The following EMC9 variants were observed in gnomAD, a reference collection of about 807,000 sequenced individuals.
EMC9 encodes ER membrane protein complex subunit 9.
A neutral mutation model predicts 25.0 loss-of-function variants in EMC9; 20 were observed. That is an observed-to-expected ratio of 0.80 (90% CI 0.56 to 1.16). EMC9 has a LOEUF of 1.16. Ranked by LOEUF, EMC9 falls within the 50% of genes most tolerant of loss-of-function variation. The pLI is 0.00. For synonymous variants in EMC9, 100 were observed against 107.0 expected (o/e 0.93, Z 0.40); for missense variants, 256 against 268.7 (o/e 0.95, Z 0.33).
intron 3 of EMC9, chr14:24,140,065 G>T (rs181241090): frequency 1.1e-4 from 34 of 299,532 alleles, no homozygotes; most frequent in African/African-American, 7.3e-4. Context: ...GTGTGGAAAT[G>T]GGATGATGTC....
chr14:24,139,765 T>TGCAC lies in EMC9; in HGVS notation c.276-155_276-152dup. On this transcript the variant is annotated intron_variant, in intron 3 of 5. Transcript: ENST00000216799. The surrounding 1 kb of genome is among the most constrained non-coding windows in gnomAD (Gnocchi z 4.6). ...GGGATCGGGCCTGCTGGATGCTTGA[T>TGCAC]GCACGACTGCTTGATGCTTGAGTGC... 1 of 1,544,774 alleles carries TGCAC rather than the reference T, an allele frequency of 6.5e-7. No individual in the cohort carries two copies. Among genetic ancestry groups the TGCAC allele is most frequent in the Non-Finnish European group, 8.7e-7 (1 of 1,143,438 alleles).
Position 24,139,252 on chromosome 14 carries a change from C to T in EMC9, c.441-56G>A. On this transcript the variant is annotated intron_variant, in intron 5 of 5. Coordinates refer to ENST00000216799, the MANE Select transcript of EMC9 (RefSeq NM_016049.4). The surrounding 1 kb of genome is among the most constrained non-coding windows in gnomAD (Gnocchi z 4.6). Reference sequence around the variant, plus strand: ...AGCAAGTAGTGGGTCCAGACACAGACTTAACAGAGATTGGGTCTAGAGAAA... The same window carrying T: ...AGCAAGTAGTGGGTCCAGACACAGATTTAACAGAGATTGGGTCTAGAGAAA... 2.5e-6 allele frequency: 4 copies of T among 1,606,218 alleles called. No individual in the cohort carries two copies. Among genetic ancestry groups the T allele is most frequent in the Non-Finnish European group, 3.4e-6 (4 of 1,174,572 alleles).
chr14:24,141,341 T>G (rs2038057734), intron 1 of EMC9, 25 bp from the exon 2 acceptor site: 2 of 1,610,474 alleles, frequency 1.2e-6, no homozygotes, highest in Non-Finnish European at 8.5e-7. Context: ...GCAAGCCGGA[T>G]TAGTACCGGA....
At chr14:24,140,821 C>T (rs926075195) in intron 3 of EMC9, 68 bp downstream of exon 3, 1 of 1,482,848 alleles carries the variant, frequency 6.7e-7, no homozygotes. Flanking sequence ...CACGCATCCT[C>T]GCCCTCTATT....
At position 24,141,468 on chromosome 14, in the gene EMC9, G is replaced by T; in HGVS notation, c.-43C>A. ...TTCGGCGACAACGCTAACTCGACTC[G>T]CAGGTAGCCCGCCGGCTCCCGGCGC... On this transcript the variant is annotated 5_prime_UTR_variant, in exon 1 of 6. Transcript: ENST00000216799. 1 of 764,276 alleles carries T rather than the reference G, an allele frequency of 1.3e-6. No individual in the cohort carries two copies. The highest frequency in any genetic ancestry group is 2.1e-6 in the Non-Finnish European group (1 of 475,788). The allele number at this position is 764,276 out of a possible 1,614,324, so 47.3% of individuals were successfully genotyped here.
chr14:24,139,429 T>G lies in EMC9; in HGVS notation c.371A>C (p.Gln124Pro). The G allele has an allele frequency of 2.5e-6, 4 of 1,614,178 alleles. No homozygotes were observed. Among genetic ancestry groups the G allele is most frequent in the Non-Finnish European group, 2.5e-6 (3 of 1,180,022 alleles). Residue 124 changes from glutamine (Q) to proline (P), a missense_variant, in exon 5 of 6, where the codon CAG (glutamine) becomes CCG (proline). Gln to Pro is a moderately conservative substitution (Grantham distance 76). Coordinates refer to ENST00000216799, the MANE Select transcript of EMC9 (RefSeq NM_016049.4). The surrounding 1 kb of genome is among the most constrained non-coding windows in gnomAD (Gnocchi z 4.6). ...IMLDNQKLVP[Q>P]PRVPPVIVLE... ...GACGATGACCGGGGGCACACGAGGCTGAGGCACCAGTTTCTGATTATCCAA... is the reference window on the plus strand; with the variant it reads ...GACGATGACCGGGGGCACACGAGGCGGAGGCACCAGTTTCTGATTATCCAA...
chr14:24,140,933 C>A lies in EMC9; in HGVS notation c.231G>T (p.Val77=). The part of the protein sequence containing the change: ...VDVWGAQAGL[V]VAGYYHANAA... ...CATTGGCATGGTAGTAACCAGCCAC[C>A]ACCAGACCGGCCTGTGCTCCCCACA... The change falls in exon 3 of 6, where the codon GTG becomes GTT. Residue 77 remains valine, a synonymous_variant. Transcript: ENST00000216799. 1 of 1,614,262 alleles carries A rather than the reference C, an allele frequency of 6.2e-7. No homozygotes were observed. The highest frequency in any genetic ancestry group is 1.7e-5 in the Admixed American group (1 of 60,026).
Position 24,139,491 on chromosome 14 carries a change from G to A in EMC9, c.346-37C>T. 6.2e-7 allele frequency: 1 copy of A among 1,613,342 alleles called. No homozygotes were observed. Among genetic ancestry groups the A allele is most frequent in the African/African-American group, 1.3e-5 (1 of 74,996 alleles). ...AAGATGGGCAAGTGAGAGTTTCAAG[G>A]GTCCCCCCACCCTACTTGCTTTTCA... On this transcript the variant is annotated intron_variant, in intron 4 of 5. Transcript: ENST00000216799. The surrounding 1 kb of genome is among the most constrained non-coding windows in gnomAD (Gnocchi z 4.6).
At chr14:24,140,085 TTAAG>T (rs1193302168) in intron 3 of EMC9, 2 of 277,742 alleles carry the variant, frequency 7.2e-6, no homozygotes, top group African/African-American at 4.4e-5. Context: ...CAAGTATTTA[TTAAG>T]TGAGGGAGAA....
intron 1 of EMC9, 54 bp from the exon 2 acceptor site, chr14:24,141,370 A>G: frequency 6.4e-7 from 1 of 1,555,204 alleles, no homozygotes; most frequent in Non-Finnish European, 8.8e-7. Flanking sequence ...GCCGGTGCCT[A>G]GCTCGCGTCC....
Position 24,139,066 on chromosome 14 carries a change from G to A in EMC9, c.571C>T (p.Leu191Phe). The A allele has an allele frequency of 6.2e-7, 1 of 1,613,958 alleles. No homozygotes were observed. The highest frequency in any genetic ancestry group is 8.5e-7 in the Non-Finnish European group (1 of 1,180,046). Residue 191 changes from leucine (L) to phenylalanine (F), a missense_variant, in exon 6 of 6, where the codon CTC (leucine) becomes TTC (phenylalanine). Physicochemically the swap from Leu to Phe is conservative, Grantham distance 22. Coordinates refer to ENST00000216799, the MANE Select transcript of EMC9 (RefSeq NM_016049.4). This position sits in a 1 kb window ranked among gnomAD's most constrained non-coding sequence, Gnocchi z 4.6. ...DIRQDWTNQRLNTQITQWVGP... is the reference protein window; with the variant it reads ...DIRQDWTNQRFNTQITQWVGP... ...ACCCACTGGGTGATTTGAGTGTTGA[G>A]CCGCTGGTTGGTCCAGTCCTGCCGG... is the stretch of plus-strand genomic sequence containing the variant.
chr14:24,139,635 A>G lies in EMC9; in HGVS notation c.276-21T>C, dbSNP rs371315345. The G allele has an allele frequency of 4.9e-5, 79 of 1,611,398 alleles. No homozygotes were observed. The African/African-American group carries it at 9.5e-4, about 19-fold the overall frequency. On this transcript the variant is annotated intron_variant, in intron 3 of 5. Transcript: ENST00000216799. The surrounding 1 kb of genome is among the most constrained non-coding windows in gnomAD (Gnocchi z 4.6). ...CAGGGCTGTGTAGAGGGAAGATCAG[A>G]GGAGTGAGGAGCCAACTGTGGGCAA...
chr14:24,140,849 G>T, intron 3 of EMC9, 40 bp downstream of exon 3: 1 of 1,244,536 alleles, frequency 8.0e-7, no homozygotes, highest in Non-Finnish European at 1.1e-6. Context: ...TCCCCAACCC[G>T]CCATAATCCT....
chr14:24,139,874 C>A lies in EMC9; in HGVS notation c.276-260G>T. The A allele has an allele frequency of 1.1e-6, 1 of 893,760 alleles. No individual in the cohort carries two copies. The allele number at this position is 893,760 out of a possible 1,614,324, so 55.4% of individuals were successfully genotyped here. A position where few individuals can be genotyped will look rare whatever the true frequency, so the allele number is the denominator to read the frequency against. ...TGGAAGGTAATTTGGCATAACCATCCAAATTGAAACTGTATACATACTATA... is the reference window on the plus strand; with the variant it reads ...TGGAAGGTAATTTGGCATAACCATCAAAATTGAAACTGTATACATACTATA... On this transcript the variant is annotated intron_variant, in intron 3 of 5. Transcript: ENST00000216799. This position sits in a 1 kb window ranked among gnomAD's most constrained non-coding sequence, Gnocchi z 4.6.
chr14:24,139,904 T>C lies in EMC9; in HGVS notation c.276-290A>G. On this transcript the variant is annotated intron_variant, in intron 3 of 5. Coordinates refer to ENST00000216799, the MANE Select transcript of EMC9 (RefSeq NM_016049.4). This position sits in a 1 kb window ranked among gnomAD's most constrained non-coding sequence, Gnocchi z 4.6. ...TGAAACTGTATACATACTATACATA[T>C]GCTGACCCAGAAATTCTACTTATAA... is the stretch of plus-strand genomic sequence containing the variant. The C allele has an allele frequency of 1.6e-6, 1 of 609,904 alleles. No individual in the cohort carries two copies. The highest frequency in any genetic ancestry group is 2.9e-6 in the Non-Finnish European group (1 of 347,172). 37.8% of individuals were successfully genotyped at this position (609,904 alleles called of 1,614,324 possible). A position where few individuals can be genotyped will look rare whatever the true frequency, so the allele number is the denominator to read the frequency against.
chr14:24,139,111 C>G lies in EMC9; in HGVS notation c.526G>C (p.Asp176His), dbSNP rs377707295. The change falls in exon 6 of 6, where the codon GAC (aspartate) becomes CAC (histidine). Residue 176 changes from aspartate (D) to histidine (H), a missense_variant. Coordinates refer to ENST00000216799, the MANE Select transcript of EMC9 (RefSeq NM_016049.4). This position sits in a 1 kb window ranked among gnomAD's most constrained non-coding sequence, Gnocchi z 4.6. ...DRAHQHLVDF[D>H]CHLDDIRQDW... ...TGCCGGATGTCATCAAGGTGGCAGT[C>G]AAAGTCCACAAGGTGCTGGTGGGCC... 1.4e-5 allele frequency: 23 copies of G among 1,614,032 alleles called. No homozygotes were observed. The highest frequency in any genetic ancestry group is 1.9e-5 in the Non-Finnish European group (22 of 1,180,040).
At position 24,139,038 on chromosome 14, in the gene EMC9, C is replaced by T. The variant is rs147029166; in HGVS notation, c.599G>A (p.Gly200Asp). ...RLNTQITQWV[G>D]PTNGNGNA ...GGCATTTCCATTTCCATTAGTGGGA[C>T]CAACCCACTGGGTGATTTGAGTGTT... Residue 200 changes from glycine (G) to aspartate (D), a missense_variant, in exon 6 of 6, where the codon GGT becomes GAT. By Grantham distance (94) the Gly-to-Asp change is moderately conservative (BLOSUM62 -1). Coordinates refer to ENST00000216799, the MANE Select transcript of EMC9 (RefSeq NM_016049.4). The surrounding 1 kb of genome is among the most constrained non-coding windows in gnomAD (Gnocchi z 4.6). 95 of 1,613,690 alleles carry T rather than the reference C, an allele frequency of 5.9e-5. No homozygotes were observed. In the African/African-American group the frequency reaches 9.7e-4, roughly 17 times the overall value.
chr14:24,140,868 T>C (rs754889854), intron 3 of EMC9, 21 bp downstream of exon 3: 1 of 1,613,808 alleles, frequency 6.2e-7, no homozygotes, highest in Non-Finnish European at 8.5e-7. Context: ...CTTTCCTTCT[T>C]CCTCTGGCTA....
intron 3 of EMC9, 67 bp downstream of exon 3, chr14:24,140,822 G>T (rs934818148): frequency 2.9e-6 from 4 of 1,374,576 alleles, no homozygotes; most frequent in Non-Finnish European, 3.0e-6. Context: ...ACGCATCCTC[G>T]CCCTCTATTC....
Sources: allele counts gnomAD v4.1 joint callset, GRCh38; gene constraint gnomAD v4.1.1; non-coding constraint Gnocchi (gnomAD v3.1); transcripts MANE v1.5; gene names NCBI Gene and HGNC (gene_info 2026-07-23, HGNC 2026-07-21).